MVB12B: variants seen among roughly 807,000 people sequenced by gnomAD.
MVB12B encodes ESCRT-I complex subunit MVB12B.
MVB12B carries 16 observed loss-of-function variants against 41.6 expected under a neutral mutation model. That is an observed-to-expected ratio of 0.38 (90% confidence interval 0.26 to 0.58). The LOEUF (loss-of-function observed/expected upper bound fraction) is 0.58, where lower values mean the gene tolerates loss of function less well. MVB12B is among the 20% of genes least tolerant of loss of function. The pLI, the probability that MVB12B is intolerant of heterozygous loss-of-function variation, is 0.62. For missense variants in MVB12B, 274 were observed against 380.2 expected (o/e 0.72, Z 2.32); for synonymous variants, 133 against 139.7 (o/e 0.95, Z 0.34).
At chr9:126,422,091 C>A (rs1278673486) in intron 7 of MVB12B, 143 bp downstream of exon 7, 2 of 624,458 alleles carry the variant, frequency 3.2e-6, no homozygotes, top group African/African-American at 1.8e-5. Flanking sequence ...CCTGCAGGGA[C>A]CAGGCCTTCC....
At chr9:126,440,784 A>G (rs1832615124) in intron 7 of MVB12B, among the ~76,000 whole-genome samples, 1 of 152,244 alleles carries the variant, frequency 6.6e-6, no homozygotes, top group South Asian at 2.1e-4. Context: ...TGTTATAAAA[A>G]GATAATAGCA....
intron 2 of MVB12B, among the ~76,000 whole-genome samples, chr9:126,363,096 A>T (rs1830068981): frequency 6.6e-6 from 1 of 151,888 alleles, no homozygotes. Context: ...CTGAGGCAGG[A>T]GAGTTGCTTT....
At chr9:126,447,599 A>G (rs1021280904) in intron 7 of MVB12B, among the ~76,000 whole-genome samples, 8 of 152,164 alleles carry the variant, frequency 5.3e-5, no homozygotes, top group Non-Finnish European at 7.3e-5. Flanking sequence ...TCTAATAGAT[A>G]TATCAGTTTT....
intron 2 of MVB12B, among the ~76,000 whole-genome samples, chr9:126,344,821 T>C (rs1007127289): frequency 1.1e-4 from 17 of 152,130 alleles, no homozygotes. Flanking sequence ...ATGGCGGAAG[T>C]CGGAGGGGCA....
chr9:126,474,247 C>A (rs767669880), intron 7 of MVB12B, among the ~76,000 whole-genome samples: 2 of 152,198 alleles, frequency 1.3e-5, no homozygotes, highest in Non-Finnish European at 2.9e-5. Context: ...CTGCATGGGA[C>A]TCAGAAATAG....
chr9:126,352,603 C>A (rs1829781877), intron 2 of MVB12B, among the ~76,000 whole-genome samples: 1 of 152,218 alleles, frequency 6.6e-6, no homozygotes, highest in African/African-American at 2.4e-5. Context: ...CAGAACTCAC[C>A]ACCATGTTGT....
intron 7 of MVB12B, among the ~76,000 whole-genome samples, chr9:126,471,908 G>A (rs1206652735): frequency 6.6e-6 from 1 of 151,990 alleles, no homozygotes; most frequent in Non-Finnish European, 1.5e-5. Flanking sequence ...ACTATTACCC[G>A]AGTTCACTTA....
intron 7 of MVB12B, among the ~76,000 whole-genome samples, chr9:126,433,012 A>G (rs965690061): frequency 6.6e-5 from 10 of 152,160 alleles, no homozygotes. Flanking sequence ...ATCCAAAGGA[A>G]AAAAGGAATA....
intron 9 of MVB12B, among the ~76,000 whole-genome samples, chr9:126,498,065 C>T (rs1312212492): frequency 1.3e-5 from 2 of 152,322 alleles, no homozygotes; most frequent in Middle Eastern, 3.4e-3. Flanking sequence ...GACGTGGGCA[C>T]TGTGCTGGGC....
chr9:126,365,972 C>G (rs1342334806), intron 2 of MVB12B, among the ~76,000 whole-genome samples: 3 of 152,138 alleles, frequency 2.0e-5, no homozygotes, highest in African/African-American at 7.2e-5. Flanking sequence ...GGCCCTCTTC[C>G]TTCCCAAGAT....
chr9:126,498,760 C>G (rs1833890726), intron 9 of MVB12B, among the ~76,000 whole-genome samples: 1 of 152,250 alleles, frequency 6.6e-6, no homozygotes, highest in Admixed American at 6.5e-5. Flanking sequence ...CCCCTTACTG[C>G]CTTTTCTCGT....
At chr9:126,488,589 T>A (rs749767711) in intron 9 of MVB12B, among the ~76,000 whole-genome samples, 5 of 152,178 alleles carry the variant, frequency 3.3e-5, no homozygotes, top group Non-Finnish European at 7.3e-5. Context: ...TACGGAAGTC[T>A]GGACTCAAGA....
At chr9:126,380,735 G>T (rs910640614) in intron 2 of MVB12B, among the ~76,000 whole-genome samples, 1 of 152,134 alleles carries the variant, frequency 6.6e-6, no homozygotes, top group African/African-American at 2.4e-5. Flanking sequence ...CCATCCCCCC[G>T]AGTAAGTGGT....
Position 126,424,798 on chromosome 9 carries a change from G to A in MVB12B, c.757+2850G>A, listed in dbSNP as rs567656791. ...CTTGTACCCTAATCCAAACGGCCAC[G>A]GCCACAAAGCCAGCATCCATCCTCA... On this transcript the variant is annotated intron_variant, in intron 7 of 9. Coordinates refer to ENST00000361171, the MANE Select transcript of MVB12B (RefSeq NM_033446.3). Among the ~76,000 whole-genome samples, 64 of 152,298 alleles carry A rather than the reference G, an allele frequency of 4.2e-4. 1 individual carries two copies. The highest frequency in any genetic ancestry group is 2.1e-3 in the East Asian group (11 of 5,186).
intron 2 of MVB12B, among the ~76,000 whole-genome samples, chr9:126,350,748 C>T (rs1466251671): frequency 6.6e-6 from 1 of 152,230 alleles, no homozygotes; most frequent in Non-Finnish European, 1.5e-5. Context: ...AAAGGCCCCA[C>T]CTCTCAATAC....
chr9:126,420,179 C>T (rs1248337872), intron 6 of MVB12B, among the ~76,000 whole-genome samples: 3 of 152,248 alleles, frequency 2.0e-5, no homozygotes, highest in Non-Finnish European at 4.4e-5. Context: ...GTTCTCCGAG[C>T]ACATGTCACG....
At chr9:126,426,290 A>G (rs1472828347) in intron 7 of MVB12B, among the ~76,000 whole-genome samples, 1 of 152,352 alleles carries the variant, frequency 6.6e-6, no homozygotes, top group East Asian at 1.9e-4. Flanking sequence ...AAATATTTCA[A>G]AACAACCTTT....
At chr9:126,449,383 G>A (rs544783134) in intron 7 of MVB12B, among the ~76,000 whole-genome samples, 7 of 152,128 alleles carry the variant, frequency 4.6e-5, no homozygotes, top group East Asian at 1.9e-4. Context: ...GAGAAGACCC[G>A]CAGGCCCTTT....
At chr9:126,375,466 C>T (rs1310517032) in intron 2 of MVB12B, among the ~76,000 whole-genome samples, 4 of 138,756 alleles carry the variant, frequency 2.9e-5, no homozygotes, top group African/African-American at 1.2e-4. Context: ...TTCTTTCGAA[C>T]GAGAAAGTAC....
Sources: gnomAD v4.1 joint callset for allele counts (sites outside exome capture counted in the v4.1 genomes callset) on GRCh38, gnomAD v4.1.1 for gene constraint, MANE v1.5 for transcripts, NCBI Gene and HGNC (gene_info 2026-07-23, HGNC 2026-07-21) for gene names.